AGBL1: variants seen among roughly 807,000 people sequenced by gnomAD.
The protein encoded by AGBL1 is cytosolic carboxypeptidase 4.
Under a neutral mutation model 118.9 loss-of-function variants are expected in AGBL1, and 130 were observed. The observed-to-expected ratio is 1.09, with a 90% confidence interval of 0.95 to 1.26. The LOEUF is 1.26. Among genes scored for constraint, AGBL1 ranks in the 50% most tolerant of loss-of-function variants. The probability of loss-of-function intolerance (pLI) is 0.00; values close to 1 mark genes in which losing one functional copy is unlikely to be tolerated. For missense variants in AGBL1, 1,584 were observed against 1,298.1 expected, an observed-to-expected ratio of 1.22 and a Z score of -3.38; for synonymous variants, 555 against 478.9, an observed-to-expected ratio of 1.16 and a Z score of -2.08.
At chr15:86,528,412 C>T (rs1020174951) in intron 19 of AGBL1, among the ~76,000 whole-genome samples, 9 of 152,178 alleles carry the variant, frequency 5.9e-5, no homozygotes, top group African/African-American at 2.2e-4. Context: ...GCTTAAAAAA[C>T]GGCGCACCAC....
intron 22 of AGBL1, among the ~76,000 whole-genome samples, chr15:86,706,218 G>C (rs117950314): frequency 1.3e-5 from 2 of 151,828 alleles, no homozygotes; most frequent in East Asian, 3.9e-4. Context: ...ATAAAATATC[G>C]TTTTTAACCT....
intron 18 of AGBL1, among the ~76,000 whole-genome samples, chr15:86,477,670 A>C (rs571009066): frequency 3.3e-5 from 5 of 152,254 alleles, no homozygotes; most frequent in South Asian, 4.1e-4. Context: ...GGAGCTGGTA[A>C]CATTCCTTCT....
intron 3 of AGBL1, among the ~76,000 whole-genome samples, chr15:86,150,938 A>G (rs1254603894): frequency 6.6e-6 from 1 of 152,182 alleles, no homozygotes; most frequent in African/African-American, 2.4e-5. Flanking sequence ...GATTAAAAAA[A>G]TGTGGCACAT....
chr15:86,926,454 A>C (rs2080541218), intron 23 of AGBL1, among the ~76,000 whole-genome samples: 1 of 152,122 alleles, frequency 6.6e-6, no homozygotes, highest in Non-Finnish European at 1.5e-5. Context: ...CTTTTAAGAG[A>C]CTCCATACAA....
chr15:86,744,941 G>A (rs1260844458), intron 22 of AGBL1, among the ~76,000 whole-genome samples: 1 of 152,140 alleles, frequency 6.6e-6, no homozygotes, highest in African/African-American at 2.4e-5. Context: ...GTCTTCATCT[G>A]AAACCATTGA....
intron 21 of AGBL1, among the ~76,000 whole-genome samples, chr15:86,655,379 G>T (rs80159348): frequency 6.6e-6 from 1 of 152,240 alleles, no homozygotes; most frequent in East Asian, 1.9e-4. Flanking sequence ...TACACGCAAT[G>T]ATGTCCTAAC....
chr15:86,309,014 T>G (rs1304210973), intron 17 of AGBL1, among the ~76,000 whole-genome samples: 1 of 152,206 alleles, frequency 6.6e-6, no homozygotes, highest in African/African-American at 2.4e-5. Context: ...TTGCTTTGGA[T>G]AGTATGGCAA....
intron 6 of AGBL1, among the ~76,000 whole-genome samples, chr15:86,236,780 A>G (rs2141963615): frequency 6.6e-6 from 1 of 151,822 alleles, no homozygotes; most frequent in East Asian, 2.0e-4. Flanking sequence ...AGGCTGGAGG[A>G]GGGGGTATCT....
intron 18 of AGBL1, among the ~76,000 whole-genome samples, chr15:86,513,608 G>T (rs536222501): frequency 4.5e-4 from 68 of 152,088 alleles, no homozygotes; most frequent in African/African-American, 1.5e-3. Context: ...TAGCTACATT[G>T]CTGATTGTTG....
intron 15 of AGBL1, among the ~76,000 whole-genome samples, chr15:86,274,043 T>G (rs1180522835): frequency 6.6e-6 from 1 of 152,204 alleles, no homozygotes; most frequent in African/African-American, 2.4e-5. Context: ...TCTTACCAGA[T>G]TAGTTTATAC....
chr15:86,658,463 T>G (rs1359210038), intron 21 of AGBL1, among the ~76,000 whole-genome samples: 2 of 152,204 alleles, frequency 1.3e-5, no homozygotes, highest in Admixed American at 6.5e-5. Context: ...ACACCTCTAC[T>G]GGTCTGCTTT....
At chr15:86,376,583 C>T (rs1021889162) in intron 17 of AGBL1, among the ~76,000 whole-genome samples, 1 of 152,230 alleles carries the variant, frequency 6.6e-6, no homozygotes, top group Non-Finnish European at 1.5e-5. Context: ...ACCAGGGAAG[C>T]TCATCCAGTC....
At position 86,411,557 on chromosome 15, in the gene AGBL1, T is replaced by A. The variant is rs142480205; in HGVS notation, c.2555+14011T>A. ...TCATCTCTCTGAGCCACATAGCCCT[T>A]TTGAATTATTAGCCTTACTCCTTCA... On this transcript the variant is annotated intron_variant, in intron 18 of 22. Transcript: ENST00000614907. Among the ~76,000 whole-genome samples the A allele has an allele frequency of 2.0e-4, 31 of 152,254 alleles. No individual in the cohort carries two copies. In the East Asian group the frequency reaches 5.8e-3, roughly 28 times the overall value.
chr15:86,599,414 T>A (rs532993936), intron 21 of AGBL1, among the ~76,000 whole-genome samples: 68 of 152,246 alleles, frequency 4.5e-4, no homozygotes, highest in African/African-American at 1.6e-3. Flanking sequence ...ATTGTCTCTA[T>A]ATTTATGCTT....
At chr15:86,614,304 GC>G (rs2084694306) in intron 21 of AGBL1, among the ~76,000 whole-genome samples, 1 of 152,038 alleles carries the variant, frequency 6.6e-6, no homozygotes, top group African/African-American at 2.4e-5. Flanking sequence ...CTTTCTTCCA[GC>G]CCTGCTCTTT....
intron 1 of AGBL1, among the ~76,000 whole-genome samples, chr15:86,080,598 C>T (rs998651149): frequency 1.3e-5 from 2 of 152,174 alleles, no homozygotes; most frequent in Non-Finnish European, 2.9e-5. Context: ...CTGGGGGATG[C>T]TATTCATTCC....
Position 86,397,109 on chromosome 15 carries a change from A to G in AGBL1, c.2375-257A>G, listed in dbSNP as rs116205802. ...TCCATCTATTTAAAACCTCATGCCA[A>G]TCATGTGAAAATCAGTTTGTATCTT... On this transcript the variant is annotated intron_variant, in intron 17 of 22. Coordinates refer to ENST00000614907, the MANE Select transcript of AGBL1 (RefSeq NM_001386094.1). Among the ~76,000 whole-genome samples the G allele has an allele frequency of 5.7e-3, 870 of 152,270 alleles. 9 individuals are homozygous for G. Among genetic ancestry groups the G allele is most frequent in the African/African-American group, 0.018 (745 of 41,542 alleles).
intron 17 of AGBL1, among the ~76,000 whole-genome samples, chr15:86,350,238 C>G (rs775227546): frequency 1.3e-5 from 2 of 152,146 alleles, no homozygotes; most frequent in Non-Finnish European, 2.9e-5. Context: ...AATTGCTATT[C>G]TCAATTTGGA....
At chr15:86,132,613 C>T (rs753018093) in intron 1 of AGBL1, among the ~76,000 whole-genome samples, 1 of 152,246 alleles carries the variant, frequency 6.6e-6, no homozygotes, top group East Asian at 1.9e-4. Flanking sequence ...AGAGATGGAG[C>T]CTGCTTTCCA....
Sources: allele counts gnomAD v4.1 joint callset (sites outside exome capture counted in the v4.1 genomes callset), GRCh38; gene constraint gnomAD v4.1.1; transcripts MANE v1.5; gene names NCBI Gene and HGNC (gene_info 2026-07-23, HGNC 2026-07-21).